TACC2: variants seen among roughly 807,000 people sequenced by gnomAD.
TACC2 encodes transforming acidic coiled-coil containing protein 2, also known as transforming acidic coiled-coil-containing protein 2.
A neutral mutation model predicts 227.3 loss-of-function variants in TACC2; 137 were observed. The observed-to-expected ratio is 0.60, with a 90% CI of 0.52 to 0.69. TACC2 has a LOEUF of 0.69. Among genes scored for constraint, TACC2 ranks in the 30% least tolerant of loss-of-function variants. TACC2 has a pLI of 0.00. For synonymous variants in TACC2, 1,523 were observed against 1,487.5 expected, an observed-to-expected ratio of 1.02 and a Z score of -0.55; for missense variants, 3,470 against 3,694.4, an observed-to-expected ratio of 0.94 and a Z score of 1.57.
rs752342348 is a variant in TACC2, at chr10:122,012,418, CA to C, written c.-45-9498del. The stretch of plus-strand genomic sequence containing the variant: ...CTGGTGCCAGAGCAAGACTCCGTCT[CA>C]AAAAAAAAAAAAAAAAAAAAGATGG... On this transcript the variant is annotated intron_variant, in intron 1 of 22. Coordinates refer to ENST00000369005, the MANE Select transcript of TACC2 (RefSeq NM_206862.4). 2.2e-3 allele frequency among the ~76,000 whole-genome samples: 132 copies of C among 60,718 alleles called. 3 individuals carry two copies. The highest frequency in any genetic ancestry group is 6.2e-3 in the South Asian group (6 of 972). 39.8% of individuals were successfully genotyped at this position (60,718 alleles called of 152,430 possible).
intron 11 of TACC2, 101 bp from the exon 12 acceptor site, chr10:122,224,625 A>AT: frequency 9.9e-7 from 1 of 1,010,050 alleles, no homozygotes; most frequent in Non-Finnish European, 1.5e-6. Context: ...GAGCCTTGTG[A>AT]TAGCTCCCAC....
intron 7 of TACC2, among the ~76,000 whole-genome samples, chr10:122,175,155 A>C (rs2093643382): frequency 6.6e-6 from 1 of 151,934 alleles, no homozygotes. Flanking sequence ...GGTTTCTGCC[A>C]TGTTGCCCAG....
At chr10:122,095,634 A>T in intron 5 of TACC2, among the ~76,000 whole-genome samples, 1 of 152,214 alleles carries the variant, frequency 6.6e-6, no homozygotes, top group East Asian at 1.9e-4. Flanking sequence ...TTGGAACTAG[A>T]ACTAGAACCT....
chr10:122,109,302 T>C (rs1281373691), intron 5 of TACC2, among the ~76,000 whole-genome samples: 2 of 152,218 alleles, frequency 1.3e-5, no homozygotes, highest in African/African-American at 2.4e-5. Context: ...GCATCTATTA[T>C]TTTTTAATTT....
intron 3 of TACC2, among the ~76,000 whole-genome samples, chr10:122,075,350 T>C (rs957430121): frequency 7.8e-6 from 1 of 128,098 alleles, no homozygotes; most frequent in Non-Finnish European, 1.9e-5. Flanking sequence ...TGGGGAAGGC[T>C]GGCCCAGGGA....
intron 2 of TACC2, among the ~76,000 whole-genome samples, chr10:122,040,753 A>G (rs370360954): frequency 6.6e-5 from 10 of 152,210 alleles, no homozygotes; most frequent in African/African-American, 2.4e-4. Context: ...AAGTCCCAAA[A>G]AACATAATTT....
At position 122,194,097 on chromosome 10, in the gene TACC2, A is replaced by G. The variant is rs762271435; in HGVS notation, c.5835-943A>G. On this transcript the variant is annotated intron_variant, in intron 7 of 22. Coordinates refer to ENST00000369005, the MANE Select transcript of TACC2 (RefSeq NM_206862.4). This position sits in a 1 kb window ranked among gnomAD's most constrained non-coding sequence, Gnocchi z 4.4. ...CAAGCCTGGGTAATTTTTTATTTTT[A>G]TCTTTTTATAGAAATAGGGCCTCAC... Among the ~76,000 whole-genome samples the G allele has an allele frequency of 1.1e-3, 174 of 151,944 alleles. No individual in the cohort carries two copies. Among genetic ancestry groups the G allele is most frequent in the Non-Finnish European group, 1.4e-3 (94 of 67,986 alleles).
In TACC2 at chr10:122,012,194, G is replaced by T. The variant is rs182908948; in HGVS notation, c.-45-9743G>T. On this transcript the variant is annotated intron_variant, in intron 1 of 22. Coordinates refer to ENST00000369005, the MANE Select transcript of TACC2 (RefSeq NM_206862.4). ...CCCAGCACTTTGGGAGGCCAAGGCG[G>T]GTGGATCATGAGGTCAGGAGATTGA... Among the ~76,000 whole-genome samples, 57 of 152,052 alleles carry T rather than the reference G, an allele frequency of 3.7e-4. 1 individual carries two copies. Among genetic ancestry groups the T allele is most frequent in the African/African-American group, 1.3e-3 (55 of 41,520 alleles).
chr10:122,208,761 AC>A (rs1481539440), intron 8 of TACC2, among the ~76,000 whole-genome samples: 1 of 152,252 alleles, frequency 6.6e-6, no homozygotes, highest in Non-Finnish European at 1.5e-5. Context: ...AACACCTGTC[AC>A]GAGGCACACA....
intron 5 of TACC2, among the ~76,000 whole-genome samples, chr10:122,111,533 C>A (rs2083608721): frequency 6.6e-6 from 1 of 152,176 alleles, no homozygotes; most frequent in Admixed American, 6.5e-5. Context: ...GCTCTGTCGC[C>A]AGGCTGGAGT....
At chr10:122,157,458 A>G (rs2092561815) in intron 7 of TACC2, among the ~76,000 whole-genome samples, 1 of 152,172 alleles carries the variant, frequency 6.6e-6, no homozygotes, top group African/African-American at 2.4e-5. Context: ...CACCTGGTGA[A>G]GGGCTTGTGG....
At chr10:122,143,479 GGC>G (rs1565423880) in intron 6 of TACC2, 91 bp from the exon 7 acceptor site, 22 of 1,419,586 alleles carry the variant, frequency 1.5e-5, no homozygotes, top group African/African-American at 4.4e-5. Context: ...TCCATGTGTG[GGC>G]GGGTGGGTTG....
Position 122,180,804 on chromosome 10 carries a change from G to C in TACC2, c.5835-14236G>C, listed in dbSNP as rs2093949857. ...AGGCTGGATGGAGTGCAATGGCGCA[G>C]TCTCGGCTCACTGCAAACCTCTGCC... On this transcript the variant is annotated intron_variant, in intron 7 of 22. Coordinates refer to ENST00000369005, the MANE Select transcript of TACC2 (RefSeq NM_206862.4). This position sits in a 1 kb window ranked among gnomAD's most constrained non-coding sequence, Gnocchi z 4.5. 6.6e-6 allele frequency among the ~76,000 whole-genome samples: 1 copy of C among 152,038 alleles called. No homozygotes were observed. Among genetic ancestry groups the C allele is most frequent in the African/African-American group, 2.4e-5 (1 of 41,396 alleles).
intron 8 of TACC2, among the ~76,000 whole-genome samples, chr10:122,208,882 A>T (rs796357141): frequency 6.6e-6 from 1 of 152,204 alleles, no homozygotes; most frequent in South Asian, 2.1e-4. Flanking sequence ...CCTCTTGTCC[A>T]ATGACACACT....
chr10:122,006,325 T>C (rs957182305), intron 1 of TACC2, among the ~76,000 whole-genome samples: 26 of 152,226 alleles, frequency 1.7e-4, no homozygotes, highest in Non-Finnish European at 2.9e-4. Context: ...GGCTCACGCC[T>C]GTAGTCCCAG....
rs528622413 is a variant in TACC2 at position 122,202,589 on chromosome 10, A to C, written c.5971+7413A>C. Among the ~76,000 whole-genome samples the C allele has an allele frequency of 2.8e-3, 415 of 149,024 alleles. 2 individuals are homozygous for C. The highest frequency in any genetic ancestry group is 4.6e-3 in the Admixed American group (69 of 14,910). ...TAGGTTATTCCCTGTTTTGGTCAGT[A>C]CATCATCCAAGAGTTTCCTGACAAA... On this transcript the variant is annotated intron_variant, in intron 8 of 22. Coordinates refer to ENST00000369005, the MANE Select transcript of TACC2 (RefSeq NM_206862.4).
At position 122,075,182 on chromosome 10, in the gene TACC2, T is replaced by C. The variant is rs571784674; in HGVS notation, c.147-7465T>C. ...TTCTTTCGCTCTTCACAATAAATCT[T>C]GCTGCCAAAAAAAAAAAAAAAGAAA... is the stretch of plus-strand genomic sequence containing the variant. On this transcript the variant is annotated intron_variant, in intron 3 of 22. Transcript: ENST00000369005. Among the ~76,000 whole-genome samples, 8 of 46,212 alleles carry C rather than the reference T, an allele frequency of 1.7e-4. No homozygotes were observed. In the South Asian group the frequency reaches 0.011, roughly 64 times the overall value. The allele number at this position is 46,212 out of a possible 152,430, so 30.3% of individuals were successfully genotyped here. A position where few individuals can be genotyped will look rare whatever the true frequency, so the allele number is the denominator to read the frequency against.
chr10:122,210,435 C>T lies in TACC2; in HGVS notation c.6010C>T (p.Arg2004Trp), dbSNP rs763525770. ...GACAGTCCCTGTCCCTGATGGCCCA[C>T]GGAGCGACTCGGTGGAAGGAAGTCC... ...SETVPVPDGPRSDSVEGSPFR... is the reference protein window; with the variant it reads ...SETVPVPDGPWSDSVEGSPFR... Residue 2004 changes from arginine (R) to tryptophan (W), a missense_variant, in exon 9 of 23, where the codon CGG becomes TGG. Arg to Trp is a moderately radical substitution (Grantham distance 101). Transcript: ENST00000369005. The surrounding 1 kb of genome is among the most constrained non-coding windows in gnomAD (Gnocchi z 4.6). 27 of 1,613,960 alleles carry T rather than the reference C, an allele frequency of 1.7e-5. No individual in the cohort carries two copies. The highest frequency in any genetic ancestry group is 4.0e-5 in the African/African-American group (3 of 74,910).
intron 5 of TACC2, among the ~76,000 whole-genome samples, chr10:122,128,054 CA>C (rs2087226487): frequency 6.6e-6 from 1 of 151,816 alleles, no homozygotes; most frequent in Admixed American, 6.6e-5. Context: ...CAGAAGGTGG[CA>C]GGGGGAGGCA....
Sources: allele counts gnomAD v4.1 joint callset (sites outside exome capture counted in the v4.1 genomes callset), GRCh38; gene constraint gnomAD v4.1.1; non-coding constraint Gnocchi (gnomAD v3.1); transcripts MANE v1.5; gene names NCBI Gene and HGNC (gene_info 2026-07-23, HGNC 2026-07-21).